The following TEF variants were observed in gnomAD, a reference collection of about 807,000 sequenced individuals.
TEF encodes thyrotroph embryonic factor.
Under a neutral mutation model 20.8 loss-of-function variants are expected in TEF, and 3 were observed. The ratio of observed to expected loss-of-function variants is 0.14; its 90% CI spans 0.07 to 0.37. The LOEUF (loss-of-function observed/expected upper bound fraction) is 0.37. Among genes scored for constraint, TEF ranks in the 10% least tolerant of loss-of-function variants. TEF has a pLI of 1.00. For missense variants in TEF, 296 were observed against 397.9 expected (o/e 0.74, Z 2.18); for synonymous variants, 180 against 171.1 (o/e 1.05, Z -0.41).
intron 1 of TEF, among the ~76,000 whole-genome samples, chr22:41,386,460 G>C (rs533294019): frequency 2.0e-5 from 3 of 151,436 alleles, no homozygotes; most frequent in Admixed American, 6.6e-5. Context: ...AATAAAACAG[G>C]CTGGGCGTGG....
At position 41,389,019 on chromosome 22, in the gene TEF, TA is replaced by T. The variant is rs113204251; in HGVS notation, c.475+1359del. Reference sequence around the variant, plus strand: ...TGTATCTAAAATATAAGGGTTCTTTTAAAAAAAACATAACGAAAATACTAGT... The same window carrying T: ...TGTATCTAAAATATAAGGGTTCTTTTAAAAAAACATAACGAAAATACTAGT... On this transcript the variant is annotated intron_variant, in intron 2 of 3. Coordinates refer to ENST00000266304, the MANE Select transcript of TEF (RefSeq NM_003216.4). 1.1e-4 allele frequency among the ~76,000 whole-genome samples: 16 copies of T among 152,092 alleles called. 2 individuals are homozygous for T. Among genetic ancestry groups the T allele is most frequent in the African/African-American group, 3.4e-4 (14 of 41,496 alleles).
intron 1 of TEF, among the ~76,000 whole-genome samples, chr22:41,374,044 G>A (rs1455921345): frequency 6.6e-6 from 1 of 152,034 alleles, no homozygotes; most frequent in African/African-American, 2.4e-5. Context: ...TTGCAGGCAT[G>A]AGCCACCGCG....
chr22:41,392,670 CAAAAAAAA>C (rs920294546), intron 2 of TEF, among the ~76,000 whole-genome samples: 5 of 39,328 alleles, frequency 1.3e-4, no homozygotes, highest in Admixed American at 7.9e-4. Flanking sequence ...TGAGACTCTT[CAAAAAAAA>C]AAAAAAAAAA....
At chr22:41,385,420 A>G (rs1318664999) in intron 1 of TEF, among the ~76,000 whole-genome samples, 1 of 152,130 alleles carries the variant, frequency 6.6e-6, no homozygotes, top group East Asian at 1.9e-4. Flanking sequence ...CCTTATGTAC[A>G]GTGGAGGATA....
At chr22:41,370,073 G>A (rs1251155725) in intron 1 of TEF, 16 of 985,054 alleles carry the variant, frequency 1.6e-5, no homozygotes, top group Non-Finnish European at 1.9e-5. Flanking sequence ...CATGCTCTCC[G>A]CTCCGTGCAG....
chr22:41,388,965 T>C (rs1046099782), intron 2 of TEF, among the ~76,000 whole-genome samples: 2 of 152,152 alleles, frequency 1.3e-5, no homozygotes, highest in Middle Eastern at 3.2e-3. Flanking sequence ...GAAGCAGTTA[T>C]TTTCAATCAA....
chr22:41,376,779 G>A (rs987186431), intron 1 of TEF, among the ~76,000 whole-genome samples: 9 of 152,184 alleles, frequency 5.9e-5, no homozygotes, highest in South Asian at 2.1e-4. Context: ...CGTGCCAGGC[G>A]GGCACTTGGC....
intron 1 of TEF, among the ~76,000 whole-genome samples, chr22:41,370,476 A>C (rs111848867): frequency 0.044 from 5,928 of 135,726 alleles, 410 homozygotes; most frequent in African/African-American, 0.16. Flanking sequence ...GCAGTGGTGC[A>C]ACGTCAGCTC....
intron 2 of TEF, among the ~76,000 whole-genome samples, chr22:41,393,446 T>C (rs1403765705): frequency 6.6e-6 from 1 of 151,436 alleles, no homozygotes; most frequent in Non-Finnish European, 1.5e-5. Flanking sequence ...TCACAGGAAG[T>C]TAAGGGAATA....
intron 2 of TEF, among the ~76,000 whole-genome samples, chr22:41,388,578 CAAAA>C (rs10717641): frequency 5.2e-5 from 6 of 116,408 alleles, no homozygotes; most frequent in African/African-American, 2.0e-4. Context: ...GACGCCATCT[CAAAA>C]AAAAAAAAAA....
intron 1 of TEF, among the ~76,000 whole-genome samples, chr22:41,369,666 G>T (rs1298995361): frequency 6.6e-6 from 1 of 152,184 alleles, no homozygotes; most frequent in Non-Finnish European, 1.5e-5. Context: ...TGAAAAGAGG[G>T]TATAGCCACC....
chr22:41,391,146 A>G (rs990503391), intron 2 of TEF, among the ~76,000 whole-genome samples: 6 of 152,114 alleles, frequency 3.9e-5, no homozygotes, highest in Admixed American at 6.6e-5. Context: ...ATAGGATACA[A>G]TGAATTTATG....
At chr22:41,382,618 T>TC (rs2037048655) in intron 1 of TEF, among the ~76,000 whole-genome samples, 1 of 152,050 alleles carries the variant, frequency 6.6e-6, no homozygotes, top group Admixed American at 6.6e-5. Context: ...CCCATTATTT[T>TC]CCAAGTACAC....
intron 2 of TEF, among the ~76,000 whole-genome samples, chr22:41,393,869 T>A (rs1199428862): frequency 6.6e-6 from 1 of 152,154 alleles, no homozygotes; most frequent in African/African-American, 2.4e-5. Context: ...GGCTTCTGTT[T>A]CCTTTTGAGC....
chr22:41,375,457 T>C (rs545893397), intron 1 of TEF, among the ~76,000 whole-genome samples: 1 of 152,272 alleles, frequency 6.6e-6, no homozygotes, highest in Admixed American at 6.5e-5. Flanking sequence ...ATGTTATTAA[T>C]GCTCCAAATG....
rs535515541 is a variant in TEF at position 41,374,018 on chromosome 22, T to A, written c.67+6419T>A. ...ACCTCATGATCTGCCTGTCTCAGCCTCCCAAAGAGCTGGGATTGCAGGCAT... is the reference window on the plus strand; with the variant it reads ...ACCTCATGATCTGCCTGTCTCAGCCACCCAAAGAGCTGGGATTGCAGGCAT... On this transcript the variant is annotated intron_variant, in intron 1 of 3. Coordinates refer to the TEF transcript ENST00000406644. 1.4e-4 allele frequency among the ~76,000 whole-genome samples: 21 copies of A among 152,178 alleles called. No homozygotes were observed. In the South Asian group the frequency reaches 4.2e-3, roughly 30 times the overall value.
intron 1 of TEF, among the ~76,000 whole-genome samples, chr22:41,384,276 C>A (rs2037069257): frequency 6.6e-6 from 1 of 152,192 alleles, no homozygotes; most frequent in African/African-American, 2.4e-5. Context: ...TGATTAGCCT[C>A]CCTGTCACTT....
chr22:41,369,067 C>T (rs2036851152), intron 1 of TEF: 1 of 984,856 alleles, frequency 1.0e-6, no homozygotes, highest in Non-Finnish European at 1.2e-6. Context: ...CCTGGCTCCC[C>T]CAAGGTGTCC....
intron 1 of TEF, among the ~76,000 whole-genome samples, chr22:41,386,958 C>G (rs1601821360): frequency 6.6e-6 from 1 of 151,460 alleles, no homozygotes; most frequent in Non-Finnish European, 1.5e-5. Context: ...GCACAAGAAT[C>G]GCTTGAACCC....
Sources: allele counts gnomAD v4.1 joint callset (sites outside exome capture counted in the v4.1 genomes callset), GRCh38; gene constraint gnomAD v4.1.1; transcripts MANE v1.5; gene names NCBI Gene and HGNC (gene_info 2026-07-23, HGNC 2026-07-21).